The following IFI16 variants were observed in gnomAD, a reference collection of about 807,000 sequenced individuals.
IFI16 encodes gamma-interferon-inducible protein 16.
Under a neutral mutation model 68.4 loss-of-function variants are expected in IFI16, and 49 were observed. That is an observed-to-expected ratio of 0.72 (90% CI 0.57 to 0.91). IFI16 has a LOEUF of 0.91. IFI16 is among the 40% of genes least tolerant of loss of function. IFI16 has a pLI of 0.00. For synonymous variants in IFI16, 307 were observed against 315.0 expected (o/e 0.97, Z 0.27); for missense variants, 878 against 942.9 (o/e 0.93, Z 0.90).
chr1:159,003,784 C>A (rs1438759850), upstream of IFI16, among the ~76,000 whole-genome samples: 1 of 152,088 alleles, frequency 6.6e-6, no homozygotes, highest in Non-Finnish European at 1.5e-5. Flanking sequence ...CCTCAGCCTC[C>A]CGAGTAGCTG....
chr1:159,049,532 C>T lies in IFI16; in HGVS notation c.1598C>T (p.Pro533Leu). Reference protein sequence around the residue: ...FPGPFMTSIGPAESHPHTPQM... With the variant: ...FPGPFMTSIGLAESHPHTPQM... ...GGACCGTTCATGACCAGCATAGGCC[C>T]AGCTGAGAGCCATCCCCACACTCCT... Residue 533 changes from proline to leucine, a missense_variant, in exon 9 of 12, where the codon CCA becomes CTA. This residue lies in a region of IFI16 where 311 missense variants were observed against 305.1 expected (regional missense o/e 1.02). Transcript: ENST00000295809. 3.7e-6 allele frequency: 6 copies of T among 1,604,954 alleles called. No homozygotes were observed. The highest frequency in any genetic ancestry group is 5.1e-6 in the Non-Finnish European group (6 of 1,175,700).
chr1:159,016,024 C>A, intron 3 of IFI16, 37 bp downstream of exon 3: 1 of 1,345,382 alleles, frequency 7.4e-7, no homozygotes, highest in Non-Finnish European at 1.1e-6. Flanking sequence ...TCAAGTCCCA[C>A]AGAGGAAGCT....
chr1:159,018,371 C>T lies in IFI16; in HGVS notation c.692C>T (p.Ala231Val). ...ATGGAGAAAAAAATAATGTTTCATG[C>T]TACAGTGGCTACACAGACACAGTTC... ...PEMEKKIMFHATVATQTQFFH... is the reference protein window; with the variant it reads ...PEMEKKIMFHVTVATQTQFFH... The change falls in exon 5 of 12, where the codon GCT becomes GTT. Residue 231 changes from alanine (A) to valine (V), a missense_variant. By Grantham distance (64) the Ala-to-Val change is moderately conservative. Around this residue, in one of 4 missense-constraint regions of IFI16, gnomAD observed 443 missense variants for 421.8 expected, o/e 1.05. Transcript: ENST00000295809. 6.2e-7 allele frequency: 1 copy of T among 1,614,120 alleles called. No homozygotes were observed. Among genetic ancestry groups the T allele is most frequent in the African/African-American group, 1.3e-5 (1 of 75,044 alleles).
intron 7 of IFI16, among the ~76,000 whole-genome samples, chr1:159,037,572 A>G (rs1654402463): frequency 6.6e-6 from 1 of 152,230 alleles, no homozygotes; most frequent in Admixed American, 6.5e-5. Context: ...ATTATTTACT[A>G]TGAGAAAAAC....
chr1:159,010,338 G>T (rs1440093544), intron 1 of IFI16, among the ~76,000 whole-genome samples, 177 bp downstream of exon 1: 2 of 152,188 alleles, frequency 1.3e-5, no homozygotes, highest in African/African-American at 4.8e-5. Flanking sequence ...TACTTAGGAA[G>T]ATAACAGGCA....
At chr1:159,017,848 TC>T (rs1384205510) in intron 4 of IFI16, among the ~76,000 whole-genome samples, 1 of 152,178 alleles carries the variant, frequency 6.6e-6, no homozygotes, top group Admixed American at 6.5e-5. Context: ...TCTCAGGTGA[TC>T]CACCCGCCTC....
chr1:159,038,722 C>T (rs370143405), intron 7 of IFI16, among the ~76,000 whole-genome samples: 1 of 152,146 alleles, frequency 6.6e-6, no homozygotes, highest in South Asian at 2.1e-4. Context: ...ACATGATTTT[C>T]CAGACACCCT....
At chr1:159,037,885 TAAC>T (rs1401242454) in intron 7 of IFI16, among the ~76,000 whole-genome samples, 3 of 152,078 alleles carry the variant, frequency 2.0e-5, no homozygotes, top group South Asian at 2.1e-4. Flanking sequence ...GAACATAAAA[TAAC>T]AATAAAAATA....
chr1:159,027,052 C>T (rs534965948), intron 6 of IFI16, among the ~76,000 whole-genome samples: 1 of 151,912 alleles, frequency 6.6e-6, no homozygotes, highest in Non-Finnish European at 1.5e-5. Flanking sequence ...GCTAGGACTT[C>T]CATTACTATG....
chr1:159,037,317 G>A (rs757363386), intron 7 of IFI16, among the ~76,000 whole-genome samples: 1 of 152,156 alleles, frequency 6.6e-6, no homozygotes, highest in Non-Finnish European at 1.5e-5. Flanking sequence ...ATAACACAGT[G>A]CATTACTTCT....
At chr1:159,006,202 G>A (rs1162126185), upstream of IFI16, among the ~76,000 whole-genome samples, 2 of 152,194 alleles carry the variant, frequency 1.3e-5, no homozygotes, top group Admixed American at 6.5e-5. Flanking sequence ...TAAGCCAGTG[G>A]CCAAAGAGAC....
intron 8 of IFI16, among the ~76,000 whole-genome samples, chr1:159,048,675 T>G (rs1655145965): frequency 6.6e-6 from 1 of 151,558 alleles, no homozygotes; most frequent in African/African-American, 2.4e-5. Context: ...ATTAGGTTAC[T>G]GAATGGCAAA....
At chr1:159,008,391 T>G (rs1227039832), upstream of IFI16, among the ~76,000 whole-genome samples, 4 of 152,330 alleles carry the variant, frequency 2.6e-5, no homozygotes, top group East Asian at 7.7e-4. Context: ...ATGCACATTT[T>G]TAAGCATTTC....
intron 7 of IFI16, among the ~76,000 whole-genome samples, chr1:159,035,677 GGTTTCCCAAA>G (rs1654281827): frequency 6.6e-6 from 1 of 151,918 alleles, no homozygotes; most frequent in Admixed American, 6.6e-5. Flanking sequence ...CTGATCATAG[GGTTTCCCAAA>G]GATTTTCTCT....
intron 6 of IFI16, among the ~76,000 whole-genome samples, chr1:159,027,270 C>T (rs559377938): frequency 2.6e-4 from 39 of 151,548 alleles, no homozygotes; most frequent in African/African-American, 3.4e-4. Context: ...TTTTTTTTTG[C>T]GTCTACTTAG....
chr1:159,054,846 A>C lies in IFI16; in HGVS notation c.2303A>C (p.Lys768Thr), dbSNP rs1571904019. ...IKVIKTRKNK[K>T]DILNPDSSME... is the part of the protein sequence containing the mutation. ...GTCATCAAGACCAGGAAAAACAAGA[A>C]AGACATACTCAATCCTGATTCAAGT... Residue 768 changes from lysine to threonine, a missense_variant, in exon 12 of 12, where the codon AAA becomes ACA. This residue lies in a region of IFI16 where 311 missense variants were observed against 305.1 expected (regional missense o/e 1.02). Transcript: ENST00000295809. 1 of 1,603,744 alleles carries C rather than the reference A, an allele frequency of 6.2e-7. No individual in the cohort carries two copies. Among genetic ancestry groups the C allele is most frequent in the Middle Eastern group, 1.7e-4 (1 of 5,966 alleles).
chr1:159,008,976 C>CA (rs763650107), upstream of IFI16: 9 of 152,196 alleles, frequency 5.9e-5, no homozygotes, highest in Non-Finnish European at 1.2e-4. Flanking sequence ...AACACCACAT[C>CA]ATCTGCTAGT....
chr1:159,052,025 T>G lies in IFI16; in HGVS notation c.2012T>G (p.Val671Gly), dbSNP rs74122246. Reference protein sequence around the residue: ...IPKGLIRSASVTPKINQLCSQ... With the variant: ...IPKGLIRSASGTPKINQLCSQ... Reference sequence around the variant, plus strand: ...AAAGGATTGATTAGAAGTGCCAGCGTAACTCCTAAAATCAATCAGCTTTGC... The same window carrying G: ...AAAGGATTGATTAGAAGTGCCAGCGGAACTCCTAAAATCAATCAGCTTTGC... The change falls in exon 10 of 12, where the codon GTA becomes GGA. Residue 671 changes from valine (V) to glycine (G), a missense_variant. By Grantham distance (109) the Val-to-Gly change is moderately radical (BLOSUM62 -3). Around this residue, in one of 4 missense-constraint regions of IFI16, gnomAD observed 311 missense variants for 305.1 expected, o/e 1.02. Transcript: ENST00000295809. The G allele has an allele frequency of 7.9e-4, 1,276 of 1,614,044 alleles. 14 individuals carry two copies. In the African/African-American group the frequency reaches 0.015, roughly 19 times the overall value.
At chr1:159,007,520 C>T (rs1311702159), upstream of IFI16, among the ~76,000 whole-genome samples, 1 of 152,102 alleles carries the variant, frequency 6.6e-6, no homozygotes, top group Non-Finnish European at 1.5e-5. Flanking sequence ...ACTAACTAGG[C>T]GCCTAGTTTT....
Sources: gnomAD v4.1 joint callset for allele counts (sites outside exome capture counted in the v4.1 genomes callset) on GRCh38, gnomAD v4.1.1 for gene constraint, gnomAD v4.1.1 regional missense constraint, MANE v1.5 for transcripts, NCBI Gene and HGNC (gene_info 2026-07-23, HGNC 2026-07-21) for gene names.